The following TRAPPC9 variants were observed in gnomAD, a reference collection of about 807,000 sequenced individuals.
TRAPPC9 encodes the protein trafficking protein particle complex subunit 9.
A neutral mutation model predicts 124.0 loss-of-function variants in TRAPPC9; 83 were observed. The observed-to-expected ratio is 0.67, with a 90% CI of 0.56 to 0.80. The LOEUF is 0.80. Among genes scored for constraint, TRAPPC9 ranks in the 30% least tolerant of loss-of-function variants. TRAPPC9 has a pLI of 0.00. For missense variants in TRAPPC9, 1,302 were observed against 1,508.3 expected, an observed-to-expected ratio of 0.86 and a Z score of 2.27; for synonymous variants, 638 against 617.5, an observed-to-expected ratio of 1.03 and a Z score of -0.49.
At chr8:140,067,377 T>C (rs1842942894) in intron 17 of TRAPPC9, among the ~76,000 whole-genome samples, 2 of 152,176 alleles carry the variant, frequency 1.3e-5, no homozygotes, top group Admixed American at 1.3e-4. Context: ...TCTCCTGACC[T>C]TGTGATCTGT....
chr8:140,124,730 C>A (rs55692543), intron 17 of TRAPPC9, among the ~76,000 whole-genome samples: 3 of 152,052 alleles, frequency 2.0e-5, no homozygotes, highest in South Asian at 4.2e-4. Flanking sequence ...AGGGGAGGAC[C>A]AAAATCACTC....
chr8:140,366,369 G>GA (rs2068109099), intron 8 of TRAPPC9, among the ~76,000 whole-genome samples: 1 of 152,150 alleles, frequency 6.6e-6, no homozygotes, highest in Non-Finnish European at 1.5e-5. Flanking sequence ...TGGTACTGGT[G>GA]AAAGAACAAA....
chr8:139,974,004 A>G (rs918129843), intron 19 of TRAPPC9, among the ~76,000 whole-genome samples: 1 of 152,182 alleles, frequency 6.6e-6, no homozygotes, highest in Non-Finnish European at 1.5e-5. Context: ...AGGAGCTTCG[A>G]GAGCGGCCTG....
At chr8:140,114,527 TC>T (rs1354475916) in intron 17 of TRAPPC9, among the ~76,000 whole-genome samples, 1 of 152,202 alleles carries the variant, frequency 6.6e-6, no homozygotes, top group Non-Finnish European at 1.5e-5. Context: ...AATGTAGCCA[TC>T]CTTGGCACCT....
chr8:140,262,883 G>A (rs769342785), intron 15 of TRAPPC9, among the ~76,000 whole-genome samples: 6 of 152,204 alleles, frequency 3.9e-5, no homozygotes, highest in African/African-American at 9.7e-5. Flanking sequence ...TGAAGGGCTC[G>A]GGAAAGCTTT....
chr8:139,815,984 G>A (rs562866722), intron 21 of TRAPPC9, among the ~76,000 whole-genome samples: 7 of 152,332 alleles, frequency 4.6e-5, no homozygotes, highest in African/African-American at 1.2e-4. Flanking sequence ...AGTGAGTGAC[G>A]GAGCCAGGCT....
chr8:139,767,717 C>T (rs144712916), intron 21 of TRAPPC9, among the ~76,000 whole-genome samples: 51 of 152,338 alleles, frequency 3.3e-4, no homozygotes, highest in Non-Finnish European at 5.1e-4. Context: ...AAAGAAGAAA[C>T]GCCAGCCACT....
rs1273960720 is a variant in TRAPPC9 at position 140,104,661 on chromosome 8, T to C, written c.2557-80582A>G. ...GGAATGCTGCGTCACACACAGGTGCTGTAAAAAGCTACGACACACACCCTC... is the reference window on the plus strand; with the variant it reads ...GGAATGCTGCGTCACACACAGGTGCCGTAAAAAGCTACGACACACACCCTC... On this transcript the variant is annotated intron_variant, in intron 17 of 22. Transcript: ENST00000438773. This position sits in a 1 kb window ranked among gnomAD's most constrained non-coding sequence, Gnocchi z 4.0. Among the ~76,000 whole-genome samples, 1 of 152,118 alleles carries C rather than the reference T, an allele frequency of 6.6e-6. No homozygotes were observed. Among genetic ancestry groups the C allele is most frequent in the Non-Finnish European group, 1.5e-5 (1 of 68,022 alleles).
intron 21 of TRAPPC9, among the ~76,000 whole-genome samples, chr8:139,778,153 C>T (rs368037709): frequency 5.3e-5 from 8 of 152,078 alleles, no homozygotes; most frequent in African/African-American, 1.9e-4. Flanking sequence ...AGTGCCTGTT[C>T]CCATCAGTCA....
chr8:139,771,940 G>A (rs539878790), intron 21 of TRAPPC9, among the ~76,000 whole-genome samples: 1 of 152,354 alleles, frequency 6.6e-6, no homozygotes, highest in Non-Finnish European at 1.5e-5. Flanking sequence ...GCCCAGCATG[G>A]ATCTGGGTGG....
chr8:140,221,239 G>A (rs555076043), intron 17 of TRAPPC9, among the ~76,000 whole-genome samples: 3 of 152,338 alleles, frequency 2.0e-5, no homozygotes, highest in South Asian at 4.1e-4. Context: ...CGGAATCTCC[G>A]TGTTCCAAGG....
rs77418434 is a variant in TRAPPC9 at position 140,450,749 on chromosome 8, T to C, written c.584+41A>G. On this transcript the variant is annotated intron_variant, in intron 2 of 22. Coordinates refer to ENST00000438773, the MANE Select transcript of TRAPPC9 (RefSeq NM_001160372.4). ...TCTGCCCTGTGCTTTCCCTTTCTGA[T>C]GCAGGGAAGCCAAGGGGCCTGGGTC... The C allele has an allele frequency of 1.5e-3, 2,166 of 1,487,332 alleles. 36 individuals are homozygous for C. The African/African-American group carries it at 0.027, about 18-fold the overall frequency. 92.1% of individuals were successfully genotyped at this position (1,487,332 alleles called of 1,614,324 possible).
chr8:139,792,858 G>GA (rs1210405563), intron 21 of TRAPPC9, among the ~76,000 whole-genome samples: 1 of 152,072 alleles, frequency 6.6e-6, no homozygotes, highest in African/African-American at 2.4e-5. Flanking sequence ...ACAGCAGTTG[G>GA]AAAAAACATC....
intron 21 of TRAPPC9, among the ~76,000 whole-genome samples, chr8:139,849,178 G>T (rs934916345): frequency 2.0e-5 from 3 of 152,216 alleles, no homozygotes; most frequent in Non-Finnish European, 4.4e-5. Flanking sequence ...CTGGAGAAAA[G>T]ATCTCCCGAG....
intron 17 of TRAPPC9, among the ~76,000 whole-genome samples, chr8:140,124,718 C>CCCTCT (rs2061052644): frequency 3.0e-5 from 2 of 66,196 alleles, no homozygotes; most frequent in Admixed American, 1.9e-4. Flanking sequence ...GAGGACCCTC[C>CCCTCT]GAGGGGAGGA....
chr8:140,017,060 G>A (rs915226759), intron 18 of TRAPPC9, among the ~76,000 whole-genome samples: 5 of 152,096 alleles, frequency 3.3e-5, no homozygotes, highest in African/African-American at 7.2e-5. Flanking sequence ...ACACTTTTCG[G>A]AGATAACAGG....
intron 9 of TRAPPC9, among the ~76,000 whole-genome samples, chr8:140,332,492 A>G (rs1328154860): frequency 6.6e-6 from 1 of 152,248 alleles, no homozygotes; most frequent in Non-Finnish European, 1.5e-5. Flanking sequence ...ACACAAAGAA[A>G]TGATAAATGT....
intron 21 of TRAPPC9, among the ~76,000 whole-genome samples, chr8:139,796,343 T>G (rs1269136497): frequency 6.6e-6 from 1 of 152,198 alleles, no homozygotes; most frequent in Non-Finnish European, 1.5e-5. Flanking sequence ...GGGGAGGAGC[T>G]GACCTCACTT....
intron 11 of TRAPPC9, among the ~76,000 whole-genome samples, chr8:140,296,049 T>C (rs2065794719): frequency 6.6e-6 from 1 of 152,172 alleles, no homozygotes; most frequent in Non-Finnish European, 1.5e-5. Context: ...TCCTGCAACC[T>C]GGCATGGAGC....
Sources: gnomAD v4.1 joint callset for allele counts (sites outside exome capture counted in the v4.1 genomes callset) on GRCh38, gnomAD v4.1.1 for gene constraint, Gnocchi (gnomAD v3.1) non-coding constraint, MANE v1.5 for transcripts, NCBI Gene and HGNC (gene_info 2026-07-23, HGNC 2026-07-21) for gene names.